ATP10B: variants seen among roughly 807,000 people sequenced by gnomAD.
ATP10B encodes ATPase phospholipid transporting 10B (putative), also known as phospholipid-transporting ATPase VB.
In ATP10B, 122 loss-of-function variants were observed where a neutral mutation model predicts 141.2. The ratio of observed to expected loss-of-function variants is 0.86; its 90% CI spans 0.75 to 1.00. ATP10B has a LOEUF of 1.00. Among genes scored for constraint, ATP10B ranks in the 50% least tolerant of loss-of-function variants. ATP10B has a pLI of 0.00. For synonymous variants in ATP10B, 685 were observed against 692.0 expected, an observed-to-expected ratio of 0.99 and a Z score of 0.16; for missense variants, 1,876 against 1,825.3, an observed-to-expected ratio of 1.03 and a Z score of -0.51.
rs752161050 is a variant in ATP10B at position 160,589,695 on chromosome 5, G to A, written c.3647C>T (p.Ala1216Val). The A allele has an allele frequency of 3.7e-6, 6 of 1,610,006 alleles. No individual in the cohort carries two copies. The highest frequency in any genetic ancestry group is 4.3e-6 in the Non-Finnish European group (5 of 1,176,246). The change falls in exon 24 of 26, where the codon GCC becomes GTC. Residue 1216 changes from alanine to valine, a missense_variant and splice_region_variant. Ala to Val is a moderately conservative substitution (Grantham distance 64). Coordinates refer to ENST00000327245, the MANE Select transcript of ATP10B (RefSeq NM_025153.3). ...SLICFFIPYL[A>V]YKGSDIDVFT... ...GACATCTATATCAGAGCCCTTATAG[G>A]CCTGCAGAGGAGGAACAGACAGGCA...
rs1776156491 is a variant in ATP10B, at chr5:160,846,845, A to G, written c.-576+5096T>C. On this transcript the variant is annotated intron_variant, in intron 1 of 25. Transcript: ENST00000327245. ...TCTTCCTGCCACATTGTGGCTGGCA[A>G]GTTAATTACATTTTCTCTGGTATAA... Among the ~76,000 whole-genome samples, 5 of 152,212 alleles carry G rather than the reference A, an allele frequency of 3.3e-5. No individual in the cohort carries two copies. The South Asian group carries it at 1.0e-3, about 31-fold the overall frequency.
intron 23 of ATP10B, 45 bp from the exon 24 acceptor site, chr5:160,589,741 C>T (rs772141274): frequency 6.9e-7 from 1 of 1,454,636 alleles, no homozygotes; most frequent in South Asian, 1.1e-5. Context: ...TGTCTGTGGA[C>T]TAACTTTGGC....
At chr5:160,877,719 C>G in the ATP10B span, among the ~76,000 whole-genome samples, 4 of 137,648 alleles carry the variant, frequency 2.9e-5, no homozygotes, top group African/African-American at 7.6e-5. Context: ...ACAAAAATCA[C>G]AAGCATTCTT....
intron 7 of ATP10B, among the ~76,000 whole-genome samples, chr5:160,653,737 CATATATTACATATACATAAATATATAT>C (rs1761193660): frequency 8.2e-6 from 1 of 122,290 alleles, no homozygotes; most frequent in East Asian, 2.2e-4. Context: ...ATTATATATA[CATATATTACATATACATAAATATATAT>C]AATATATACA....
intron 13 of ATP10B, among the ~76,000 whole-genome samples, chr5:160,627,233 G>T (rs1758656675): frequency 6.6e-6 from 1 of 152,130 alleles, no homozygotes; most frequent in Non-Finnish European, 1.5e-5. Context: ...TGATATAGCT[G>T]CACCTCTTCT....
intron 7 of ATP10B, among the ~76,000 whole-genome samples, chr5:160,655,612 A>C (rs551695423): frequency 6.6e-6 from 1 of 152,314 alleles, no homozygotes; most frequent in East Asian, 1.9e-4. Context: ...AGGCTGACTC[A>C]TGCCGTAGAA....
At chr5:160,754,593 A>T (rs890251057) in intron 2 of ATP10B, among the ~76,000 whole-genome samples, 5 of 152,236 alleles carry the variant, frequency 3.3e-5, no homozygotes, top group African/African-American at 1.2e-4. Context: ...AACTCAATCC[A>T]TACTTAATGA....
At chr5:160,609,670 A>T (rs1033681088) in intron 18 of ATP10B, among the ~76,000 whole-genome samples, 1 of 152,132 alleles carries the variant, frequency 6.6e-6, no homozygotes, top group African/African-American at 2.4e-5. Flanking sequence ...GAGTCACTGC[A>T]CCCTGCCCTG....
At chr5:160,778,337 T>C (rs1770483553) in intron 2 of ATP10B, among the ~76,000 whole-genome samples, 1 of 152,198 alleles carries the variant, frequency 6.6e-6, no homozygotes, top group Non-Finnish European at 1.5e-5. Flanking sequence ...GCTCCAAGGA[T>C]GGAAGAAAGA....
chr5:160,632,282 C>G lies in ATP10B; in HGVS notation c.1467G>C (p.Trp489Cys), dbSNP rs752821750. ...TTCTCATAGTTGCTGGATCCTGGGC[C>G]CATCTAGCCGAGAAGGACAGGCATT... Reference protein sequence around the residue: ...QYQCLSFSARWAQDPATMRSQ... With the variant: ...QYQCLSFSARCAQDPATMRSQ... Residue 489 changes from tryptophan to cysteine, a missense_variant, in exon 13 of 26, where the codon TGG (tryptophan) becomes TGC (cysteine). Physicochemically the swap from Trp to Cys is radical, Grantham distance 215. Transcript: ENST00000327245. The G allele has an allele frequency of 5.6e-6, 9 of 1,614,190 alleles. No homozygotes were observed. The highest frequency in any genetic ancestry group is 2.2e-5 in the East Asian group (1 of 44,880).
chr5:160,920,734 C>A, the ATP10B span, among the ~76,000 whole-genome samples: 1 of 152,194 alleles, frequency 6.6e-6, no homozygotes, highest in African/African-American at 2.4e-5. Flanking sequence ...TCTCACACTT[C>A]AATGTCATGC....
intron 2 of ATP10B, among the ~76,000 whole-genome samples, chr5:160,718,659 A>G (rs1219773432): frequency 6.6e-6 from 1 of 152,154 alleles, no homozygotes; most frequent in East Asian, 1.9e-4. Flanking sequence ...GCTTTATAAG[A>G]ACCCACTCTC....
chr5:160,738,768 G>A (rs1767282912), intron 2 of ATP10B, among the ~76,000 whole-genome samples: 1 of 152,062 alleles, frequency 6.6e-6, no homozygotes, highest in South Asian at 2.1e-4. Context: ...AGAAGAACCA[G>A]GCACATAGAT....
chr5:160,726,283 C>T (rs1766354037), intron 2 of ATP10B, among the ~76,000 whole-genome samples: 1 of 152,176 alleles, frequency 6.6e-6, no homozygotes, highest in South Asian at 2.1e-4. Context: ...GCAAGCCCAG[C>T]CATGTAGGCC....
intron 7 of ATP10B, 61 bp from the exon 8 acceptor site, chr5:160,649,317 A>G: frequency 8.3e-7 from 1 of 1,199,028 alleles, no homozygotes; most frequent in Non-Finnish European, 1.2e-6. Context: ...TAATAGGATC[A>G]CTGGGAGAGC....
chr5:160,874,053 T>A, the ATP10B span, among the ~76,000 whole-genome samples: 1 of 152,172 alleles, frequency 6.6e-6, no homozygotes, highest in African/African-American at 2.4e-5. Flanking sequence ...GAGGCCTGCC[T>A]GCCTCTGTAG....
At chr5:160,778,378 G>A (rs1034066102) in intron 2 of ATP10B, among the ~76,000 whole-genome samples, 1 of 152,158 alleles carries the variant, frequency 6.6e-6, no homozygotes, top group Admixed American at 6.5e-5. Flanking sequence ...CCTTCCTGAA[G>A]AGATTTGATG....
At chr5:160,718,729 C>T (rs138218299) in intron 2 of ATP10B, among the ~76,000 whole-genome samples, 112 of 152,250 alleles carry the variant, frequency 7.4e-4, no homozygotes, top group Non-Finnish European at 1.5e-3. Flanking sequence ...AGAACTCACT[C>T]ACTACCTTGG....
intron 1 of ATP10B, among the ~76,000 whole-genome samples, chr5:160,841,417 A>G (rs1031642268): frequency 3.3e-5 from 5 of 152,230 alleles, no homozygotes; most frequent in African/African-American, 1.2e-4. Context: ...GTCAATGACA[A>G]GAACAACATT....
Sources: allele counts gnomAD v4.1 joint callset (sites outside exome capture counted in the v4.1 genomes callset), GRCh38; gene constraint gnomAD v4.1.1; transcripts MANE v1.5; gene names NCBI Gene and HGNC (gene_info 2026-07-23, HGNC 2026-07-21).